The following ANTXRL variants were observed in gnomAD, a reference collection of about 807,000 sequenced individuals.
The protein encoded by ANTXRL is anthrax toxin receptor-like.
In ANTXRL, 63 loss-of-function variants were observed where a neutral mutation model predicts 75.4. That is an observed-to-expected ratio of 0.84 (90% CI 0.68 to 1.03). The LOEUF is 1.03. ANTXRL is among the 50% of genes least tolerant of loss of function. ANTXRL has a pLI of 0.00. For synonymous variants in ANTXRL, 335 were observed against 291.3 expected (o/e 1.15, Z -1.53); for missense variants, 797 against 789.4 (o/e 1.01, Z -0.12).
At chr10:46,303,323 G>A (rs1228154282) in intron 10 of ANTXRL, among the ~76,000 whole-genome samples, 1 of 152,230 alleles carries the variant, frequency 6.6e-6, no homozygotes, top group Non-Finnish European at 1.5e-5. Flanking sequence ...CACATTGCCT[G>A]TGTCACCTTG....
intron 16 of ANTXRL, among the ~76,000 whole-genome samples, chr10:46,322,211 T>C (rs1554965693): frequency 6.6e-6 from 1 of 152,018 alleles, no homozygotes; most frequent in Non-Finnish European, 1.5e-5. Context: ...AGGAAGTCCA[T>C]CTGTAAGTGT....
At chr10:46,313,856 C>T (rs567036064) in intron 16 of ANTXRL, among the ~76,000 whole-genome samples, 6 of 152,136 alleles carry the variant, frequency 3.9e-5, no homozygotes, top group African/African-American at 1.2e-4. Context: ...GTAGCATGTC[C>T]CTGCTCCTAA....
intron 16 of ANTXRL, among the ~76,000 whole-genome samples, chr10:46,320,694 T>G (rs11259792): frequency 0.13 from 19,371 of 152,080 alleles, 1,379 homozygotes; most frequent in South Asian, 0.19. Context: ...ATCATGCCAC[T>G]GCACTCCAGC....
At chr10:46,326,930 G>C (rs782031054) in intron 16 of ANTXRL, among the ~76,000 whole-genome samples, 2 of 152,102 alleles carry the variant, frequency 1.3e-5, no homozygotes, top group Non-Finnish European at 2.9e-5. Context: ...GGCAGGGTGA[G>C]GGTGCTGTTA....
At chr10:46,316,076 G>T (rs1399291602) in intron 16 of ANTXRL, among the ~76,000 whole-genome samples, 2 of 152,072 alleles carry the variant, frequency 1.3e-5, no homozygotes, top group Non-Finnish European at 2.9e-5. Context: ...TTATCCTGTG[G>T]ATACTCATTA....
chr10:46,311,174 G>A (rs1299238928), intron 14 of ANTXRL, among the ~76,000 whole-genome samples: 2 of 152,098 alleles, frequency 1.3e-5, no homozygotes, highest in Admixed American at 6.5e-5. Flanking sequence ...TGGCCTCTGC[G>A]GTGCTGCAGA....
At chr10:46,302,609 A>G in intron 9 of ANTXRL, 113 bp from the exon 10 acceptor site, 1 of 718,030 alleles carries the variant, frequency 1.4e-6, no homozygotes, top group Middle Eastern at 2.3e-4. Flanking sequence ...CTCTTTCCTT[A>G]CAGGAGCCTC....
intron 1 of ANTXRL, 25 bp downstream of exon 1, chr10:46,287,535 C>T: frequency 2.0e-6 from 3 of 1,524,106 alleles, no homozygotes; most frequent in Non-Finnish European, 2.6e-6. Context: ...TAGCTCTGGC[C>T]CTGGGTCACC....
chr10:46,306,930 C>G (rs1207881097), intron 11 of ANTXRL, 58 bp downstream of exon 11: 1 of 1,401,604 alleles, frequency 7.1e-7, no homozygotes, highest in East Asian at 2.5e-5. Context: ...GGGTTGGGCA[C>G]CTTGAGGTGT....
chr10:46,302,732 T>C lies in ANTXRL; in HGVS notation c.807T>C (p.His269=), dbSNP rs529825911. 2.5e-5 allele frequency: 38 copies of C among 1,535,394 alleles called. No homozygotes were observed. Among genetic ancestry groups the C allele is most frequent in the Non-Finnish European group, 2.8e-5 (32 of 1,145,916 alleles). Residue 269 remains histidine (H), a synonymous_variant, in exon 10 of 17, where the codon CAT becomes CAC. Coordinates refer to ENST00000620264, the MANE Select transcript of ANTXRL (RefSeq NM_001278688.3). ...ATGTTGTCCTTGCAGAACCCTACCA[T>C]GTGGTTATTCATGGAAATGGCTTTC... is the stretch of plus-strand genomic sequence containing the variant. The part of the protein sequence containing the change: ...PSSECVGEPY[H]VVIHGNGFQN...
chr10:46,310,213 T>C (rs1554963080), intron 13 of ANTXRL, among the ~76,000 whole-genome samples: 1 of 152,092 alleles, frequency 6.6e-6, no homozygotes, highest in African/African-American at 2.4e-5. Context: ...ACCTGGTCCC[T>C]GGCCTGGCTG....
chr10:46,311,741 G>C (rs1838440595), intron 15 of ANTXRL, 76 bp downstream of exon 15: 1 of 644,722 alleles, frequency 1.6e-6, no homozygotes, highest in African/African-American at 1.8e-5. Context: ...GGGTCCCACT[G>C]TGGAGACCTG....
chr10:46,323,990 T>C (rs1839097223), intron 16 of ANTXRL, among the ~76,000 whole-genome samples: 1 of 152,266 alleles, frequency 6.6e-6, no homozygotes, highest in Non-Finnish European at 1.5e-5. Context: ...TGTTGAATAG[T>C]TTTGAATTCT....
intron 16 of ANTXRL, 25 bp from the exon 17 acceptor site, chr10:46,329,574 C>CGG: frequency 6.6e-7 from 1 of 1,522,452 alleles, no homozygotes; most frequent in Non-Finnish European, 8.8e-7. Context: ...TCACGGTGAC[C>CGG]TTCTCTCTCT....
Position 46,330,125 on chromosome 10 carries a change from C to A in ANTXRL, c.*41C>A. The A allele has an allele frequency of 6.8e-7, 1 of 1,464,160 alleles. No homozygotes were observed. The highest frequency in any genetic ancestry group is 2.5e-5 in the East Asian group (1 of 40,150). The allele number at this position is 1,464,160 out of a possible 1,614,324, so 90.7% of individuals were successfully genotyped here. On this transcript the variant is annotated 3_prime_UTR_variant, in exon 17 of 17. Transcript: ENST00000620264. ...AGATTAACAGGCTTTTGTTGCTGAA[C>A]TGGACATATACATTGAGTCTTTTCT...
Position 46,296,118 on chromosome 10 carries a change from TCCTAAC to T in ANTXRL, c.474+44_474+49del, listed in dbSNP as rs375303420. ...TTAGAAAGGTATAGACCCCTTGATC[TCCTAAC>T]CCTAACCCTAACCCTAACCCTAACC... On this transcript the variant is annotated intron_variant, in intron 4 of 16. Transcript: ENST00000620264. 4.9e-5 allele frequency: 75 copies of T among 1,535,328 alleles called. No homozygotes were observed. The highest frequency in any genetic ancestry group is 2.1e-4 in the African/African-American group (15 of 73,070).
rs1838775083 is a variant in ANTXRL, at chr10:46,317,204, G to A, written c.1410+3888G>A. The stretch of plus-strand genomic sequence containing the variant: ...ATGATGCCTTCATGACTAGATATAT[G>A]CCACAGGACCTTAATTTACTAATAT... On this transcript the variant is annotated intron_variant, in intron 16 of 16. Coordinates refer to ENST00000620264, the MANE Select transcript of ANTXRL (RefSeq NM_001278688.3). Among the ~76,000 whole-genome samples, 3 of 152,024 alleles carry A rather than the reference G, an allele frequency of 2.0e-5. No individual in the cohort carries two copies. The South Asian group carries it at 6.2e-4, about 32-fold the overall frequency.
At chr10:46,329,239 C>T (rs1291439563) in intron 16 of ANTXRL, among the ~76,000 whole-genome samples, 1 of 152,192 alleles carries the variant, frequency 6.6e-6, no homozygotes, top group African/African-American at 2.4e-5. Context: ...GGTGAGCACT[C>T]ATCCCTTCCA....
chr10:46,318,494 C>A (rs116817696), intron 16 of ANTXRL, among the ~76,000 whole-genome samples: 1 of 151,102 alleles, frequency 6.6e-6, no homozygotes, highest in Non-Finnish European at 1.5e-5. Context: ...TTGATCAAAA[C>A]GACAAGTTCA....
Sources: gnomAD v4.1 joint callset for allele counts (sites outside exome capture counted in the v4.1 genomes callset) on GRCh38, gnomAD v4.1.1 for gene constraint, MANE v1.5 for transcripts, NCBI Gene and HGNC (gene_info 2026-07-23, HGNC 2026-07-21) for gene names.